Variants in TOX2 observed in about 807,000 individuals in gnomAD.
TOX2 encodes granulosa cell HMG box 1.
TOX2 carries 15 observed loss-of-function variants against 47.4 expected under a neutral mutation model. The ratio of observed to expected loss-of-function variants is 0.32; its 90% CI spans 0.21 to 0.49. The LOEUF is 0.49. Ranked by LOEUF, TOX2 falls within the 20% of genes least tolerant of loss-of-function variation. The pLI, the probability that TOX2 is intolerant of heterozygous loss-of-function variation, is 0.99. For missense variants in TOX2, 622 were observed against 673.1 expected, an observed-to-expected ratio of 0.92 and a Z score of 0.84; for synonymous variants, 290 against 296.6, an observed-to-expected ratio of 0.98 and a Z score of 0.23.
chr20:43,951,236 T>C lies in TOX2; in HGVS notation c.100-22131T>C, dbSNP rs574674751. Among the ~76,000 whole-genome samples the C allele has an allele frequency of 2.2e-3, 328 of 152,296 alleles. 2 individuals carry two copies. Among genetic ancestry groups the C allele is most frequent in the African/African-American group, 7.5e-3 (310 of 41,570 alleles). ...CCAGCTCCACCACTTCCTAGGTAGATAGCCTTCACGTCTACCTCTCTGTAT... is the reference window on the plus strand; with the variant it reads ...CCAGCTCCACCACTTCCTAGGTAGACAGCCTTCACGTCTACCTCTCTGTAT... On this transcript the variant is annotated intron_variant, in intron 1 of 8. Transcript: ENST00000341197.
chr20:44,005,720 T>C (rs1385206947), intron 2 of TOX2, among the ~76,000 whole-genome samples: 2 of 152,176 alleles, frequency 1.3e-5, no homozygotes, highest in African/African-American at 4.8e-5. Context: ...AAGAATTTGA[T>C]ACAATTGAAA....
intron 2 of TOX2, among the ~76,000 whole-genome samples, chr20:43,991,576 G>GTGGAATTTTT (rs2070368647): frequency 6.6e-6 from 1 of 151,498 alleles, no homozygotes; most frequent in Admixed American, 6.6e-5. Context: ...TGACCAAATG[G>GTGGAATTTTT]TGGAATTTAT....
chr20:43,990,516 G>A (rs1217785090), intron 2 of TOX2, among the ~76,000 whole-genome samples: 1 of 152,204 alleles, frequency 6.6e-6, no homozygotes, highest in East Asian at 1.9e-4. Flanking sequence ...AGGCAGTAGG[G>A]TATTGTGGAA....
At position 44,014,859 on chromosome 20, in the gene TOX2, G is replaced by A. The variant is rs2070849306; in HGVS notation, c.411+8067G>A. ...GCTGAGGTGGCCAGGGATAGTGGGA[G>A]GGCCCCAGCTGGGGGACAGGCAGGG... On this transcript the variant is annotated intron_variant, in intron 3 of 8. Coordinates refer to ENST00000341197, the MANE Select transcript of TOX2 (RefSeq NM_001098797.2). Among the ~76,000 whole-genome samples the A allele has an allele frequency of 2.0e-5, 3 of 152,268 alleles. No individual in the cohort carries two copies. The South Asian group carries it at 6.2e-4, about 32-fold the overall frequency.
At chr20:43,925,821 CA>C (rs2069159718) in intron 1 of TOX2, among the ~76,000 whole-genome samples, 2 of 152,332 alleles carry the variant, frequency 1.3e-5, no homozygotes, top group South Asian at 4.1e-4. Flanking sequence ...CATTTGTCCC[CA>C]TTTTTTTAGG....
intron 1 of TOX2, among the ~76,000 whole-genome samples, chr20:43,936,527 C>T (rs112746194): frequency 1.3e-5 from 2 of 152,316 alleles, no homozygotes; most frequent in African/African-American, 4.8e-5. Context: ...TGGCCAGTGG[C>T]CTGGGAGCTG....
chr20:43,994,752 C>T (rs76809120), intron 2 of TOX2, among the ~76,000 whole-genome samples: 2,451 of 152,270 alleles, frequency 0.016, 34 homozygotes, highest in Middle Eastern at 0.038. Context: ...GTGTCCTGAG[C>T]GAGAACACAT....
chr20:43,972,310 C>T (rs1336233622), intron 1 of TOX2, among the ~76,000 whole-genome samples: 2 of 152,200 alleles, frequency 1.3e-5, no homozygotes, highest in Non-Finnish European at 2.9e-5. Flanking sequence ...ACAATTCATG[C>T]CCCAGAGTTC....
At chr20:43,929,061 A>T (rs538305847) in intron 1 of TOX2, among the ~76,000 whole-genome samples, 94 of 151,606 alleles carry the variant, frequency 6.2e-4, no homozygotes, top group African/African-American at 2.1e-3. Flanking sequence ...TGGGAGGCTG[A>T]GGCAGAAGAA....
In TOX2 at chr20:43,988,595, C is replaced by T. The variant is rs929530413; in HGVS notation, c.165+15163C>T. On this transcript the variant is annotated intron_variant, in intron 2 of 8. Coordinates refer to ENST00000341197, the MANE Select transcript of TOX2 (RefSeq NM_001098797.2). ...CACACACAAATGAGATTTTAGTTTC[C>T]GTTTATTTGCTTAATGGCTGCTTTC... 5.3e-5 allele frequency among the ~76,000 whole-genome samples: 8 copies of T among 152,186 alleles called. 1 individual carries two copies. Among genetic ancestry groups the T allele is most frequent in the African/African-American group, 7.2e-5 (3 of 41,444 alleles).
chr20:44,049,316 G>A (rs930329081), intron 3 of TOX2, among the ~76,000 whole-genome samples: 1 of 152,150 alleles, frequency 6.6e-6, no homozygotes, highest in Non-Finnish European at 1.5e-5. Flanking sequence ...TCTTTGTAAG[G>A]ACTGTGGAAT....
intron 3 of TOX2, among the ~76,000 whole-genome samples, chr20:44,022,161 C>A (rs943067038): frequency 1.1e-4 from 17 of 152,232 alleles, no homozygotes; most frequent in Admixed American, 9.2e-4. Flanking sequence ...TCCTTGTCTT[C>A]TCTGTGCCCA....
In TOX2 at chr20:43,938,033, C is replaced by A. The variant is rs79784035; in HGVS notation, c.99+23043C>A. Reference sequence around the variant, plus strand: ...GAAATAGGGCCAGCTCCCATCCTCCCTGGGTCAAGTGAAGAGGAAGCTTTG... The same window carrying A: ...GAAATAGGGCCAGCTCCCATCCTCCATGGGTCAAGTGAAGAGGAAGCTTTG... On this transcript the variant is annotated intron_variant, in intron 1 of 8. Coordinates refer to ENST00000341197, the MANE Select transcript of TOX2 (RefSeq NM_001098797.2). 5.7e-3 allele frequency among the ~76,000 whole-genome samples: 875 copies of A among 152,282 alleles called. 10 individuals carry two copies. Among genetic ancestry groups the A allele is most frequent in the African/African-American group, 0.02 (828 of 41,536 alleles).
At chr20:43,999,824 C>A (rs2145579416) in intron 2 of TOX2, among the ~76,000 whole-genome samples, 1 of 152,260 alleles carries the variant, frequency 6.6e-6, no homozygotes, top group South Asian at 2.1e-4. Context: ...TTCCATAAAG[C>A]AACAGTAGTC....
At position 43,949,952 on chromosome 20, in the gene TOX2, C is replaced by T. The variant is rs567826898; in HGVS notation, c.100-23415C>T. ...AAAGACCTCCCTGCAAATTAAGGGC[C>T]TTCAGACCTAGACAGACTGGAATAG... On this transcript the variant is annotated intron_variant, in intron 1 of 8. Transcript: ENST00000341197. Among the ~76,000 whole-genome samples, 3 of 152,244 alleles carry T rather than the reference C, an allele frequency of 2.0e-5. No homozygotes were observed. In the East Asian group the frequency reaches 5.8e-4, roughly 29 times the overall value.
At position 44,066,713 on chromosome 20, in the gene TOX2, T is replaced by C; in HGVS notation, c.1357-17T>C. ...CATCTCTCCTTGGCTCATGGCCTCCTCCTTCCCACTCTGTAGGACTTCCCG... is the reference window on the plus strand; with the variant it reads ...CATCTCTCCTTGGCTCATGGCCTCCCCCTTCCCACTCTGTAGGACTTCCCG... On this transcript the variant is annotated splice_polypyrimidine_tract_variant and intron_variant, in intron 7 of 8. Transcript: ENST00000341197. 4 of 1,614,042 alleles carry C rather than the reference T, an allele frequency of 2.5e-6. No homozygotes were observed. Among genetic ancestry groups the C allele is most frequent in the Non-Finnish European group, 2.5e-6 (3 of 1,179,970 alleles).
chr20:44,033,734 A>T (rs1409906265), intron 3 of TOX2, among the ~76,000 whole-genome samples: 1 of 152,060 alleles, frequency 6.6e-6, no homozygotes, highest in African/African-American at 2.4e-5. Context: ...CTCCAAAGAG[A>T]ACGAGCCCTG....
chr20:43,973,298 G>T, intron 1 of TOX2, 69 bp from the exon 2 acceptor site: 1 of 1,507,160 alleles, frequency 6.6e-7, no homozygotes, highest in Non-Finnish European at 9.2e-7. Flanking sequence ...CCCTCCTCCG[G>T]CTGCTTCTCC....
intron 1 of TOX2, among the ~76,000 whole-genome samples, chr20:43,957,656 G>C (rs952915871): frequency 4.0e-5 from 6 of 151,620 alleles, no homozygotes; most frequent in African/African-American, 1.5e-4. Context: ...TGTTGGCAGG[G>C]TTGATTCCAT....
Sources: allele counts gnomAD v4.1 joint callset (sites outside exome capture counted in the v4.1 genomes callset), GRCh38; gene constraint gnomAD v4.1.1; transcripts MANE v1.5; gene names NCBI Gene and HGNC (gene_info 2026-07-23, HGNC 2026-07-21).